The following FOXK2 variants were observed in gnomAD, a reference collection of about 807,000 sequenced individuals.
FOXK2 encodes forkhead box protein K2.
A neutral mutation model predicts 53.3 loss-of-function variants in FOXK2; 24 were observed. That is an observed-to-expected ratio of 0.45 (90% CI 0.33 to 0.63). FOXK2 has a LOEUF of 0.63. Ranked by LOEUF, FOXK2 falls within the 30% of genes least tolerant of loss-of-function variation. The pLI is 0.03. For synonymous variants in FOXK2, 505 were observed against 407.1 expected (o/e 1.24, Z -2.89); for missense variants, 952 against 910.5 (o/e 1.05, Z -0.59).
intron 8 of FOXK2, among the ~76,000 whole-genome samples, chr17:82,592,955 A>G (rs2045267535): frequency 1.3e-5 from 2 of 150,360 alleles, no homozygotes; most frequent in Admixed American, 1.3e-4. Context: ...CGCCGGGCAC[A>G]GGCTCTTATT....
At chr17:82,565,427 GATTA>G (rs1238346037) in intron 2 of FOXK2, among the ~76,000 whole-genome samples, 3 of 152,142 alleles carry the variant, frequency 2.0e-5, no homozygotes, top group African/African-American at 7.2e-5. Context: ...TCTGACAAGG[GATTA>G]ATATCCAGAT....
chr17:82,587,157 G>T lies in FOXK2; in HGVS notation c.1671G>T (p.Val557=). 3 of 1,613,118 alleles carry T rather than the reference G, an allele frequency of 1.9e-6. No homozygotes were observed. Among genetic ancestry groups the T allele is most frequent in the South Asian group, 2.2e-5 (2 of 91,068 alleles). Residue 557 remains valine (V), a synonymous_variant, in exon 8 of 9, where the codon GTG becomes GTT. Transcript: ENST00000335255. ...QTAQTTPVQT[V]TIVQQAPLGQ... ...CACAGACCACCCCGGTCCAGACGGT[G>T]ACCATAGTACAACAGGCACCTCTAG...
At chr17:82,593,150 G>T (rs1310377508) in intron 8 of FOXK2, among the ~76,000 whole-genome samples, 1 of 109,228 alleles carries the variant, frequency 9.2e-6, no homozygotes, top group Non-Finnish European at 1.9e-5. Flanking sequence ...TCCCTGCACC[G>T]GGCACAGGCT....
Position 82,602,696 on chromosome 17 carries a change from C to T in FOXK2, c.*1197C>T, listed in dbSNP as rs2045399719. ...GAACCCAATCCTGAGGCTGACTCCTCTACGGAAAATGAGGACAGGACGGGG... is the reference window on the plus strand; with the variant it reads ...GAACCCAATCCTGAGGCTGACTCCTTTACGGAAAATGAGGACAGGACGGGG... On this transcript the variant is annotated 3_prime_UTR_variant, in exon 9 of 9. Coordinates refer to ENST00000335255, the MANE Select transcript of FOXK2 (RefSeq NM_004514.4). 1 of 152,276 alleles carries T rather than the reference C, an allele frequency of 6.6e-6. No homozygotes were observed. Among genetic ancestry groups the T allele is most frequent in the African/African-American group, 2.4e-5 (1 of 41,466 alleles). The allele number at this position is 152,276 out of a possible 1,614,324, so 9.4% of individuals were successfully genotyped here.
chr17:82,519,943 G>T lies in FOXK2; in HGVS notation c.55G>T (p.Gly19Trp). The T allele has an allele frequency of 1.2e-6, 1 of 822,150 alleles. No homozygotes were observed. 50.9% of individuals were successfully genotyped at this position (822,150 alleles called of 1,614,324 possible). A position where few individuals can be genotyped will look rare whatever the true frequency, so the allele number is the denominator to read the frequency against. ...SGAGTPPAGG[G>W]AGGGGAGGGG... is the part of the protein sequence containing the mutation. ...CGCGGGCACGCCACCCGCGGGCGGCGGGGCCGGGGGCGGCGGGGCCGGGGG... is the reference window on the plus strand; with the variant it reads ...CGCGGGCACGCCACCCGCGGGCGGCTGGGCCGGGGGCGGCGGGGCCGGGGG... The change falls in exon 1 of 9, where the codon GGG (glycine) becomes TGG (tryptophan). Residue 19 changes from glycine (G) to tryptophan (W), a missense_variant. By Grantham distance (184) the Gly-to-Trp change is radical. Around this residue, in one of 5 missense-constraint regions of FOXK2, gnomAD observed 163 missense variants for 165.5 expected, o/e 0.98. Coordinates refer to ENST00000335255, the MANE Select transcript of FOXK2 (RefSeq NM_004514.4).
intron 8 of FOXK2, among the ~76,000 whole-genome samples, chr17:82,595,158 G>A (rs774079466): frequency 1.3e-5 from 2 of 152,202 alleles, no homozygotes; most frequent in East Asian, 1.9e-4. Context: ...GGTTTGGTGT[G>A]CCGTGGGGCA....
chr17:82,546,007 T>C (rs1251255308), intron 1 of FOXK2, among the ~76,000 whole-genome samples: 1 of 152,156 alleles, frequency 6.6e-6, no homozygotes, highest in Non-Finnish European at 1.5e-5. Context: ...TTCTCTCTTT[T>C]TTATTTTAGG....
intron 1 of FOXK2, among the ~76,000 whole-genome samples, chr17:82,535,985 G>A (rs1054626061): frequency 1.3e-5 from 2 of 151,882 alleles, no homozygotes; most frequent in Non-Finnish European, 2.9e-5. Flanking sequence ...CAGGTGATCC[G>A]CCTGTCTCAG....
chr17:82,597,675 A>T (rs1227128917), intron 8 of FOXK2, among the ~76,000 whole-genome samples: 3 of 151,368 alleles, frequency 2.0e-5, no homozygotes, highest in Non-Finnish European at 4.4e-5. Flanking sequence ...TTTGAGACAG[A>T]GTTTTGCTTT....
intron 1 of FOXK2, among the ~76,000 whole-genome samples, chr17:82,525,858 C>T (rs1001828069): frequency 6.6e-6 from 1 of 152,110 alleles, no homozygotes; most frequent in Non-Finnish European, 1.5e-5. Flanking sequence ...GTGGTAATTC[C>T]ACACTTTCTT....
At chr17:82,569,728 G>A (rs180989964) in intron 3 of FOXK2, among the ~76,000 whole-genome samples, 191 of 152,292 alleles carry the variant, frequency 1.3e-3, no homozygotes, top group Non-Finnish European at 1.8e-3. Context: ...GAGACGTAGC[G>A]GGCAGTGTGG....
intron 8 of FOXK2, 21 bp downstream of exon 8, chr17:82,587,293 G>C: frequency 1.3e-6 from 2 of 1,589,854 alleles, no homozygotes; most frequent in Non-Finnish European, 1.7e-6. Context: ...CTGGTCGGTG[G>C]CTCCCCGTGG....
chr17:82,540,811 T>G (rs371324411), intron 1 of FOXK2, among the ~76,000 whole-genome samples: 1 of 152,368 alleles, frequency 6.6e-6, no homozygotes, highest in East Asian at 1.9e-4. Flanking sequence ...GGTTGACAGC[T>G]GAGGTCCCAT....
Position 82,520,265 on chromosome 17 carries a change from T to A in FOXK2, c.377T>A (p.Val126Glu), listed in dbSNP as rs1417279396. The change falls in exon 1 of 9, where the codon GTG becomes GAG. Residue 126 changes from valine (V) to glutamate (E), a missense_variant. Val to Glu is a moderately radical substitution (Grantham distance 121). This residue lies in a region of FOXK2 where 76 missense variants were observed against 128.2 expected (regional missense o/e 0.59). Transcript: ENST00000335255. ...AAGAACGGGGTATTCGTGGACGGCG[T>A]GTTCCAGAGGCGCGGGGCGCCGCCG... Reference protein sequence around the residue: ...LGKNGVFVDGVFQRRGAPPLQ... With the variant: ...LGKNGVFVDGEFQRRGAPPLQ... 2 of 1,279,166 alleles carry A rather than the reference T, an allele frequency of 1.6e-6. No individual in the cohort carries two copies. Among genetic ancestry groups the A allele is most frequent in the Admixed American group, 4.2e-5 (1 of 23,868 alleles). The allele number at this position is 1,279,166 out of a possible 1,614,324, so 79.2% of individuals were successfully genotyped here. A position where few individuals can be genotyped will look rare whatever the true frequency, so the allele number is the denominator to read the frequency against.
intron 1 of FOXK2, among the ~76,000 whole-genome samples, chr17:82,548,781 G>A (rs2044650398): frequency 6.6e-6 from 1 of 152,204 alleles, no homozygotes; most frequent in African/African-American, 2.4e-5. Context: ...CCTGGGGGAG[G>A]CATGGGTGTT....
chr17:82,576,959 GA>G (rs1232206434), intron 4 of FOXK2: 3 of 391,794 alleles, frequency 7.7e-6, no homozygotes, highest in Non-Finnish European at 1.4e-5. Flanking sequence ...TGGAGGGTTC[GA>G]GACCAGATGA....
chr17:82,563,305 C>T (rs1451399942), intron 1 of FOXK2, 49 bp from the exon 2 acceptor site: 4 of 1,568,516 alleles, frequency 2.6e-6, no homozygotes, highest in East Asian at 2.3e-5. Flanking sequence ...CTCTGCCCTG[C>T]CCCGGCTGGA....
At chr17:82,592,031 G>C (rs912205719) in intron 8 of FOXK2, among the ~76,000 whole-genome samples, 2 of 152,222 alleles carry the variant, frequency 1.3e-5, no homozygotes, top group African/African-American at 4.8e-5. Context: ...AGCCTCCCAA[G>C]TAGCTGGGAC....
At chr17:82,595,998 G>A in intron 8 of FOXK2, 1 of 1,159,510 alleles carries the variant, frequency 8.6e-7, no homozygotes, top group Non-Finnish European at 1.1e-6. Flanking sequence ...TAGGAGAAAG[G>A]CCACTGGAAA....
Sources: gnomAD v4.1 joint callset for allele counts (sites outside exome capture counted in the v4.1 genomes callset) on GRCh38, gnomAD v4.1.1 for gene constraint, gnomAD v4.1.1 regional missense constraint, MANE v1.5 for transcripts, NCBI Gene and HGNC (gene_info 2026-07-23, HGNC 2026-07-21) for gene names.